The following GNG7 variants were observed in gnomAD, a reference collection of about 807,000 sequenced individuals.
The protein encoded by GNG7 is G protein subunit gamma 7, also known as guanine nucleotide-binding protein G(I)/G(S)/G(O) subunit gamma-7.
Under a neutral mutation model 4.0 loss-of-function variants are expected in GNG7, and 1 was observed. The ratio of observed to expected loss-of-function variants is 0.25; its 90% CI spans 0.09 to 1.18. The LOEUF (loss-of-function observed/expected upper bound fraction) is 1.18. Ranked by LOEUF, GNG7 falls within the 50% of genes most tolerant of loss-of-function variation. The probability of loss-of-function intolerance (pLI) is 0.50; values close to 1 mark genes in which losing one functional copy is unlikely to be tolerated. For synonymous variants in GNG7, 34 were observed against 36.9 expected (o/e 0.92, Z 0.29); for missense variants, 86 against 91.9 (o/e 0.94, Z 0.26).
At chr19:2,652,148 C>A (rs1982847215) in intron 1 of GNG7, among the ~76,000 whole-genome samples, 1 of 151,710 alleles carries the variant, frequency 6.6e-6, no homozygotes, top group Admixed American at 6.6e-5. Flanking sequence ...GCACTCTAGC[C>A]TGGACGGCTA....
At chr19:2,681,625 C>G (rs140075221) in intron 1 of GNG7, among the ~76,000 whole-genome samples, 1 of 152,104 alleles carries the variant, frequency 6.6e-6, no homozygotes, top group African/African-American at 2.4e-5. Flanking sequence ...CTTAGGTGTA[C>G]GTCTAGGAGT....
chr19:2,678,178 C>T (rs1352311404), intron 1 of GNG7, among the ~76,000 whole-genome samples: 1 of 152,134 alleles, frequency 6.6e-6, no homozygotes, highest in Non-Finnish European at 1.5e-5. Context: ...GTGGCCGACG[C>T]CAACACTGTC....
chr19:2,699,043 C>T (rs1157772117), intron 1 of GNG7, among the ~76,000 whole-genome samples: 1 of 152,088 alleles, frequency 6.6e-6, no homozygotes, highest in Admixed American at 6.6e-5. Flanking sequence ...ACATTGCAAA[C>T]ATTGTCATCT....
intron 2 of GNG7, among the ~76,000 whole-genome samples, chr19:2,600,665 A>G (rs1306820927): frequency 1.3e-5 from 2 of 151,540 alleles, no homozygotes; most frequent in East Asian, 3.9e-4. Context: ...TAGTAGAGAC[A>G]GGGTTTCACC....
At chr19:2,610,169 AT>A (rs1568261989) in intron 2 of GNG7, 3 of 150,668 alleles carry the variant, frequency 2.0e-5, no homozygotes, top group African/African-American at 2.4e-5. Flanking sequence ...TTAATTTTTT[AT>A]TTTTTTTGGA....
At position 2,513,394 on chromosome 19, in the gene GNG7, C is replaced by T; in HGVS notation, c.*1628G>A. On this transcript the variant is annotated 3_prime_UTR_variant, in exon 5 of 5. Transcript: ENST00000382159. ...TCGGGGCGGCCAGGCCTCCTGCGAT[C>T]AGGGCTGCGTGGGGTCCATCTCAGG... 1 of 654,058 alleles carries T rather than the reference C, an allele frequency of 1.5e-6. No individual in the cohort carries two copies. Among genetic ancestry groups the T allele is most frequent in the Non-Finnish European group, 1.9e-6 (1 of 527,162 alleles). The allele number at this position is 654,058 out of a possible 1,614,324, so 40.5% of individuals were successfully genotyped here.
intron 3 of GNG7, among the ~76,000 whole-genome samples, chr19:2,545,936 C>T (rs992704796): frequency 3.9e-5 from 6 of 151,988 alleles, no homozygotes; most frequent in Admixed American, 1.3e-4. Flanking sequence ...GCCTGGGCAA[C>T]GGAGCGAGAC....
At chr19:2,586,792 CT>C (rs1424169608) in intron 2 of GNG7, among the ~76,000 whole-genome samples, 1 of 151,806 alleles carries the variant, frequency 6.6e-6, no homozygotes, top group Non-Finnish European at 1.5e-5. Context: ...TGAAACCAGC[CT>C]GGCCAAAATG....
At position 2,692,936 on chromosome 19, in the gene GNG7, C is replaced by T. The variant is rs572180098; in HGVS notation, c.-135+9710G>A. Among the ~76,000 whole-genome samples, 87 of 146,864 alleles carry T rather than the reference C, an allele frequency of 5.9e-4. 1 individual carries two copies. The Middle Eastern group carries it at 0.027, about 45-fold the overall frequency. Reference sequence around the variant, plus strand: ...GGGAGTTCAAGGCTGCAGTGAGCTGCGATTGTGCCACTGCACTCCAGCCTG... The same window carrying T: ...GGGAGTTCAAGGCTGCAGTGAGCTGTGATTGTGCCACTGCACTCCAGCCTG... On this transcript the variant is annotated intron_variant, in intron 1 of 4. Coordinates refer to ENST00000382159, the MANE Select transcript of GNG7 (RefSeq NM_052847.3).
Position 2,611,488 on chromosome 19 carries a change from C to A in GNG7, c.-78+34736G>T, listed in dbSNP as rs1475548147. The A allele has an allele frequency of 1.3e-5, 2 of 152,186 alleles. No individual in the cohort carries two copies. Among genetic ancestry groups the A allele is most frequent in the African/African-American group, 4.8e-5 (2 of 41,422 alleles). 9.4% of individuals were successfully genotyped at this position (152,186 alleles called of 1,614,324 possible). On this transcript the variant is annotated intron_variant, in intron 2 of 4. Transcript: ENST00000382159. The surrounding 1 kb of genome is among the most constrained non-coding windows in gnomAD (Gnocchi z 6.0). ...TGCGTGGGGCTTGAAGGCAGGTGGG[C>A]AAGACGGTGCATAGCCCGAATCTAT...
In GNG7 at chr19:2,520,527, C is replaced by T. The variant is rs181346972; in HGVS notation, c.81+81G>A. ...CACAGTTGGGGTGCAAGCCTCTGCCCTCCTGCCGAGCCTCCTGTTCATCAT... is the reference window on the plus strand; with the variant it reads ...CACAGTTGGGGTGCAAGCCTCTGCCTTCCTGCCGAGCCTCCTGTTCATCAT... On this transcript the variant is annotated intron_variant, in intron 4 of 4. Transcript: ENST00000382159. 5.3e-4 allele frequency: 400 copies of T among 754,294 alleles called. 1 individual carries two copies. In the East Asian group the frequency reaches 1.0e-2, roughly 19 times the overall value. 46.7% of individuals were successfully genotyped at this position (754,294 alleles called of 1,614,324 possible). A position where few individuals can be genotyped will look rare whatever the true frequency, so the allele number is the denominator to read the frequency against.
At chr19:2,638,886 C>T (rs1452985453) in intron 2 of GNG7, among the ~76,000 whole-genome samples, 1 of 152,046 alleles carries the variant, frequency 6.6e-6, no homozygotes, top group African/African-American at 2.4e-5. Flanking sequence ...TTTTTATAAT[C>T]TTAAAATTTG....
intron 2 of GNG7, among the ~76,000 whole-genome samples, chr19:2,627,256 A>G (rs1404538141): frequency 6.6e-6 from 1 of 151,806 alleles, no homozygotes; most frequent in African/African-American, 2.4e-5. Flanking sequence ...TGCTCCTGGC[A>G]TGGAGTTGGT....
rs62123727 is a variant in GNG7, at chr19:2,614,236, C to T, written c.-78+31988G>A. On this transcript the variant is annotated intron_variant, in intron 2 of 4. Transcript: ENST00000382159. This position sits in a 1 kb window ranked among gnomAD's most constrained non-coding sequence, Gnocchi z 6.0. ...CATGGTCGCCAGAAAGCAGGTGCGG[C>T]GACTTTCCCTAGCACCCTCTCCCTG... Among the ~76,000 whole-genome samples, 7,030 of 152,228 alleles carry T rather than the reference C, an allele frequency of 0.046. 221 individuals are homozygous for T. Among genetic ancestry groups the T allele is most frequent in the Non-Finnish European group, 0.067 (4,573 of 68,000 alleles).
chr19:2,540,308 G>GC (rs1474590092), intron 3 of GNG7, among the ~76,000 whole-genome samples: 3 of 151,752 alleles, frequency 2.0e-5, no homozygotes, highest in Admixed American at 6.6e-5. Context: ...ACACCACCAT[G>GC]CCCCCCTAAT....
intron 3 of GNG7, chr19:2,538,523 C>G (rs987774822): frequency 2.9e-6 from 1 of 346,972 alleles, no homozygotes; most frequent in Non-Finnish European, 5.6e-6. Flanking sequence ...TCCAGCTACC[C>G]GGGAGGCTGA....
intron 2 of GNG7, among the ~76,000 whole-genome samples, chr19:2,595,788 G>T (rs556128304): frequency 6.6e-6 from 1 of 151,900 alleles, no homozygotes; most frequent in African/African-American, 2.4e-5. Context: ...GCTCAGGACC[G>T]CCAATGTACA....
intron 1 of GNG7, among the ~76,000 whole-genome samples, chr19:2,676,959 C>T (rs990785536): frequency 1.3e-5 from 2 of 152,206 alleles, no homozygotes; most frequent in African/African-American, 4.8e-5. Flanking sequence ...TCCACCCAGG[C>T]AGGACTCCCG....
intron 2 of GNG7, among the ~76,000 whole-genome samples, chr19:2,569,675 C>T (rs992527225): frequency 3.9e-5 from 6 of 152,152 alleles, no homozygotes; most frequent in African/African-American, 9.7e-5. Context: ...GTAGCCAGAC[C>T]GTTCTCTGGG....
Sources: allele counts gnomAD v4.1 joint callset (sites outside exome capture counted in the v4.1 genomes callset), GRCh38; gene constraint gnomAD v4.1.1; non-coding constraint Gnocchi (gnomAD v3.1); transcripts MANE v1.5; gene names NCBI Gene and HGNC (gene_info 2026-07-23, HGNC 2026-07-21).